The following DYNC1I2 variants were observed in gnomAD, a reference collection of about 807,000 sequenced individuals.
The protein encoded by DYNC1I2 is dynein cytoplasmic 1 intermediate chain 2.
In DYNC1I2, 53 loss-of-function variants were observed where a neutral mutation model predicts 88.6. The observed-to-expected ratio is 0.60, with a 90% CI of 0.48 to 0.75. The LOEUF (loss-of-function observed/expected upper bound fraction) is 0.75. Among genes scored for constraint, DYNC1I2 ranks in the 30% least tolerant of loss-of-function variants. The probability of loss-of-function intolerance (pLI) is 0.00; values close to 1 mark genes in which losing one functional copy is unlikely to be tolerated. For missense variants in DYNC1I2, 458 were observed against 766.6 expected (o/e 0.60, Z 4.75); for synonymous variants, 198 against 254.6 (o/e 0.78, Z 2.12).
chr2:171,696,034 AT>A (rs1685742181), intron 3 of DYNC1I2, among the ~76,000 whole-genome samples: 1 of 152,058 alleles, frequency 6.6e-6, no homozygotes. Flanking sequence ...CCTTCTCCCC[AT>A]TTACTATGAT....
intron 15 of DYNC1I2, among the ~76,000 whole-genome samples, chr2:171,731,791 C>T (rs1688630272): frequency 2.6e-5 from 3 of 113,664 alleles, no homozygotes; most frequent in Middle Eastern, 5.7e-3. Context: ...CAGCTGTGAC[C>T]TTGAACTGGG....
intron 1 of DYNC1I2, among the ~76,000 whole-genome samples, chr2:171,689,537 G>C (rs1251410673): frequency 2.0e-5 from 3 of 151,966 alleles, no homozygotes; most frequent in African/African-American, 7.3e-5. Context: ...CCTTTATCTT[G>C]GGTACCTAAT....
intron 15 of DYNC1I2, 29 bp downstream of exon 15, chr2:171,729,882 G>A (rs778575041): frequency 9.9e-6 from 16 of 1,611,628 alleles, no homozygotes; most frequent in Admixed American, 1.7e-5. Context: ...TCTGCTATTT[G>A]CTCAGGTTTC....
chr2:171,715,756 A>G (rs1307216787), intron 7 of DYNC1I2, among the ~76,000 whole-genome samples: 1 of 152,184 alleles, frequency 6.6e-6, no homozygotes, highest in Non-Finnish European at 1.5e-5. Flanking sequence ...CAAAAAGCTT[A>G]AGAATTTTCT....
In DYNC1I2 at chr2:171,747,914, G is replaced by C. The variant is rs1689914099; in HGVS notation, c.*25G>C. On this transcript the variant is annotated 3_prime_UTR_variant, in exon 18 of 18. Transcript: ENST00000397119. ...GTTCCTGAAAAGGGGAGTGTAACTA[G>C]TGGATTTGGGAAAGGTTCTTAAGTA... 6.7e-7 allele frequency: 1 copy of C among 1,501,668 alleles called. No individual in the cohort carries two copies. Among genetic ancestry groups the C allele is most frequent in the South Asian group, 1.1e-5 (1 of 86,994 alleles). 93.0% of individuals were successfully genotyped at this position (1,501,668 alleles called of 1,614,324 possible).
intron 7 of DYNC1I2, among the ~76,000 whole-genome samples, chr2:171,721,529 G>A (rs982993142): frequency 2.0e-5 from 3 of 152,070 alleles, no homozygotes; most frequent in Non-Finnish European, 4.4e-5. Context: ...AAATATTAAA[G>A]GAAAATCATT....
chr2:171,711,981 A>G (rs1272104757), intron 5 of DYNC1I2, among the ~76,000 whole-genome samples: 1 of 152,222 alleles, frequency 6.6e-6, no homozygotes, highest in Non-Finnish European at 1.5e-5. Context: ...TTGTTCTATT[A>G]GTAACTAAGT....
chr2:171,743,994 T>G, intron 15 of DYNC1I2, 55 bp from the exon 16 acceptor site: 1 of 1,448,540 alleles, frequency 6.9e-7, no homozygotes, highest in Non-Finnish European at 9.2e-7. Flanking sequence ...ATAAGTAGTT[T>G]AATGATTTGT....
At chr2:171,723,569 A>G (rs901264775) in intron 7 of DYNC1I2, among the ~76,000 whole-genome samples, 24 of 152,226 alleles carry the variant, frequency 1.6e-4, no homozygotes, top group African/African-American at 4.6e-4. Flanking sequence ...ATTGCTACCA[A>G]TTATACTATT....
At chr2:171,727,076 A>G (rs1271412680) in intron 11 of DYNC1I2, among the ~76,000 whole-genome samples, 160 bp downstream of exon 11, 1 of 152,202 alleles carries the variant, frequency 6.6e-6, no homozygotes, top group African/African-American at 2.4e-5. Flanking sequence ...AGAAAACTGA[A>G]GACTTCTCAG....
intron 3 of DYNC1I2, among the ~76,000 whole-genome samples, chr2:171,704,647 C>T (rs1425007754): frequency 6.6e-6 from 1 of 152,040 alleles, no homozygotes; most frequent in Non-Finnish European, 1.5e-5. Flanking sequence ...AAAATGAATT[C>T]CAGAAGTGAG....
At chr2:171,703,774 A>G (rs748476119) in intron 3 of DYNC1I2, among the ~76,000 whole-genome samples, 5 of 152,178 alleles carry the variant, frequency 3.3e-5, no homozygotes, top group Non-Finnish European at 7.4e-5. Context: ...TTAAATTTTA[A>G]TATTCCGGGC....
intron 10 of DYNC1I2, 184 bp downstream of exon 10, chr2:171,726,477 T>C (rs985554110): frequency 7.1e-6 from 4 of 566,186 alleles, no homozygotes; most frequent in African/African-American, 3.8e-5. Flanking sequence ...AGAAGCATTA[T>C]TTATATTTAA....
At chr2:171,731,011 G>A (rs1688567234) in intron 15 of DYNC1I2, among the ~76,000 whole-genome samples, 1 of 152,154 alleles carries the variant, frequency 6.6e-6, no homozygotes, top group African/African-American at 2.4e-5. Flanking sequence ...TTTGTCATTA[G>A]CAGATATAAA....
At chr2:171,720,956 G>A (rs1056001761) in intron 7 of DYNC1I2, among the ~76,000 whole-genome samples, 1 of 151,426 alleles carries the variant, frequency 6.6e-6, no homozygotes, top group African/African-American at 2.4e-5. Context: ...CTATGTAAGG[G>A]TGCTAATACT....
In DYNC1I2 at chr2:171,726,249, T is replaced by C; in HGVS notation, c.826T>C (p.Trp276Arg). Residue 276 changes from tryptophan to arginine, a missense_variant, in exon 10 of 18, where the codon TGG (tryptophan) becomes CGG (arginine). Around this residue, in one of 5 missense-constraint regions of DYNC1I2, gnomAD observed 203 missense variants for 354.2 expected, o/e 0.57. Transcript: ENST00000397119. ...SLNRQFFDER[W>R]SKHRVVSCLD... ...AAATCGACAATTTTTTGACGAACGT[T>C]GGTCAAAGCATCGGGTGGTTAGTTG... 6.2e-7 allele frequency: 1 copy of C among 1,612,616 alleles called. No homozygotes were observed. Among genetic ancestry groups the C allele is most frequent in the Non-Finnish European group, 8.5e-7 (1 of 1,179,454 alleles).
At chr2:171,720,522 T>G (rs1687829576) in intron 7 of DYNC1I2, among the ~76,000 whole-genome samples, 1 of 152,028 alleles carries the variant, frequency 6.6e-6, no homozygotes, top group Non-Finnish European at 1.5e-5. Flanking sequence ...TCACCAGAGG[T>G]CAGAAGTTTG....
Position 171,707,364 on chromosome 2 carries a change from G to A in DYNC1I2, c.322G>A (p.Ala108Thr), listed in dbSNP as rs558205470. The A allele has an allele frequency of 2.8e-5, 45 of 1,612,960 alleles. No individual in the cohort carries two copies. The South Asian group carries it at 3.7e-4, about 13-fold the overall frequency. The stretch of plus-strand genomic sequence containing the variant: ...TGGAAGCCAAGACTCTGGAGATGGC[G>A]CCGTGGGATCTAGGTACAGTAATTT... ...EAGSQDSGDG[A>T]VGSRTLHWDT... Residue 108 changes from alanine (A) to threonine (T), a missense_variant, in exon 5 of 18, where the codon GCC becomes ACC. Ala to Thr is a moderately conservative substitution (Grantham distance 58). Transcript: ENST00000397119.
intron 7 of DYNC1I2, among the ~76,000 whole-genome samples, chr2:171,724,791 G>A (rs1231819121): frequency 1.3e-5 from 2 of 152,174 alleles, no homozygotes; most frequent in Admixed American, 6.5e-5. Flanking sequence ...ACCCATCTCA[G>A]TGTGTAGCAA....
Sources: gnomAD v4.1 joint callset for allele counts (sites outside exome capture counted in the v4.1 genomes callset) on GRCh38, gnomAD v4.1.1 for gene constraint, gnomAD v4.1.1 regional missense constraint, MANE v1.5 for transcripts, NCBI Gene and HGNC (gene_info 2026-07-23, HGNC 2026-07-21) for gene names.